DAB2IP: variants seen among roughly 807,000 people sequenced by gnomAD.
DAB2IP encodes disabled homolog 2-interacting protein.
DAB2IP carries 28 observed loss-of-function variants against 107.2 expected under a neutral mutation model. The observed-to-expected ratio is 0.26, with a 90% CI of 0.19 to 0.36. The LOEUF (loss-of-function observed/expected upper bound fraction) is 0.36. Among genes scored for constraint, DAB2IP ranks in the 10% least tolerant of loss-of-function variants. The probability of loss-of-function intolerance (pLI) is 1.00; values close to 1 mark genes in which losing one functional copy is unlikely to be tolerated. For missense variants in DAB2IP, 1,400 were observed against 1,644.7 expected (o/e 0.85, Z 2.57); for synonymous variants, 755 against 706.4 (o/e 1.07, Z -1.09).
chr9:121,750,661 C>A (rs938756854), intron 3 of DAB2IP, among the ~76,000 whole-genome samples: 1 of 152,162 alleles, frequency 6.6e-6, no homozygotes, highest in Non-Finnish European at 1.5e-5. Flanking sequence ...ACTCTCAATT[C>A]CCCCCACCCA....
chr9:121,586,630 C>T (rs1422241416), intron 1 of DAB2IP, among the ~76,000 whole-genome samples: 2 of 151,996 alleles, frequency 1.3e-5, no homozygotes, highest in Non-Finnish European at 2.9e-5. Context: ...CCAGCTTGGG[C>T]AACACAGCAA....
intron 1 of DAB2IP, among the ~76,000 whole-genome samples, chr9:121,577,735 T>C (rs1181519263): frequency 6.6e-6 from 1 of 151,800 alleles, no homozygotes; most frequent in East Asian, 1.9e-4. Flanking sequence ...AATGGTGGGG[T>C]GTTAGGCATG....
chr9:121,761,791 A>T (rs574635133), intron 6 of DAB2IP, among the ~76,000 whole-genome samples: 1 of 152,104 alleles, frequency 6.6e-6, no homozygotes, highest in African/African-American at 2.4e-5. Context: ...AACACTGGGG[A>T]CGTATGCTGG....
intron 3 of DAB2IP, among the ~76,000 whole-genome samples, chr9:121,710,687 A>AT (rs1364675826): frequency 7.2e-5 from 11 of 152,174 alleles, no homozygotes; most frequent in Admixed American, 6.5e-5. Flanking sequence ...GGTGACTTCC[A>AT]TCACTACCCA....
rs200565908 is a variant in DAB2IP at position 121,760,414 on chromosome 9, T to C, written c.1145T>C (p.Ile382Thr). The change falls in exon 6 of 16, where the codon ATC becomes ACC. Residue 382 changes from isoleucine (I) to threonine (T), a missense_variant. This residue lies in a region of DAB2IP where 517 missense variants were observed against 748.6 expected (regional missense o/e 0.69). Transcript: ENST00000408936. The surrounding 1 kb of genome is among the most constrained non-coding windows in gnomAD (Gnocchi z 5.9). The stretch of plus-strand genomic sequence containing the variant: ...GAGATGGCATCTGCCCTGGTGCACA[T>C]CCTGCAGAGCACGGGCAAGGTGAAG... 45 of 1,605,028 alleles carry C rather than the reference T, an allele frequency of 2.8e-5. No individual in the cohort carries two copies. The highest frequency in any genetic ancestry group is 3.8e-5 in the Non-Finnish European group (45 of 1,178,308).
intron 3 of DAB2IP, among the ~76,000 whole-genome samples, chr9:121,735,965 C>G (rs190362309): frequency 8.5e-5 from 13 of 152,364 alleles, no homozygotes; most frequent in Non-Finnish European, 1.5e-5. Context: ...CAGCCTGTCT[C>G]CTCCTTCCCT....
chr9:121,719,743 G>A (rs932231773), intron 3 of DAB2IP, among the ~76,000 whole-genome samples: 1 of 152,162 alleles, frequency 6.6e-6, no homozygotes, highest in Non-Finnish European at 1.5e-5. Context: ...TTTTAGAGAT[G>A]GGGAAACCAG....
chr9:121,626,398 T>C (rs1168873147), intron 1 of DAB2IP, among the ~76,000 whole-genome samples: 1 of 147,996 alleles, frequency 6.8e-6, no homozygotes, highest in Non-Finnish European at 1.5e-5. Context: ...GACGAGATAG[T>C]GTAGACCAAA....
At chr9:121,629,869 C>A (rs75857198) in intron 1 of DAB2IP, among the ~76,000 whole-genome samples, 7,206 of 152,242 alleles carry the variant, frequency 0.047, 570 homozygotes, top group African/African-American at 0.16. Flanking sequence ...TTCCCTCAAA[C>A]CCCCGCCTCT....
chr9:121,652,025 T>G, intron 1 of DAB2IP, 126 bp downstream of exon 1: 1 of 860,998 alleles, frequency 1.2e-6, no homozygotes, highest in Non-Finnish European at 1.5e-6. Flanking sequence ...CATCCGCCCC[T>G]TCCTGAGTCT....
chr9:121,606,687 CCT>C (rs1830886643), intron 1 of DAB2IP, among the ~76,000 whole-genome samples: 1 of 152,080 alleles, frequency 6.6e-6, no homozygotes, highest in Non-Finnish European at 1.5e-5. Flanking sequence ...GATCATTTTC[CCT>C]GTTACCATCA....
chr9:121,735,065 G>C (rs1233012434), intron 3 of DAB2IP, among the ~76,000 whole-genome samples: 1 of 152,220 alleles, frequency 6.6e-6, no homozygotes, highest in African/African-American at 2.4e-5. Flanking sequence ...CCTCTCCCCT[G>C]CTAGGAAATT....
At chr9:121,582,636 C>G (rs868043) in intron 1 of DAB2IP, among the ~76,000 whole-genome samples, 18,362 of 152,072 alleles carry the variant, frequency 0.12, 1,184 homozygotes, top group East Asian at 0.24. Context: ...CGTCCCACTC[C>G]TGATAGCCCC....
chr9:121,770,872 T>G, intron 11 of DAB2IP, 148 bp downstream of exon 11: 1 of 1,110,880 alleles, frequency 9.0e-7, no homozygotes, highest in Non-Finnish European at 1.2e-6. Context: ...TCCTAAGTGG[T>G]GAACCTCCAT....
At chr9:121,606,827 T>C (rs1015797155) in intron 1 of DAB2IP, among the ~76,000 whole-genome samples, 2 of 151,362 alleles carry the variant, frequency 1.3e-5, no homozygotes, top group African/African-American at 2.4e-5. Flanking sequence ...CAGGCTGGAG[T>C]GCAGTAGCGT....
chr9:121,674,710 G>A (rs747276147), intron 1 of DAB2IP, among the ~76,000 whole-genome samples: 1 of 152,080 alleles, frequency 6.6e-6, no homozygotes, highest in Non-Finnish European at 1.5e-5. Flanking sequence ...GAGCTTCCTG[G>A]CCCAGACCCA....
intron 1 of DAB2IP, among the ~76,000 whole-genome samples, chr9:121,658,871 C>T (rs549835624): frequency 8.3e-4 from 127 of 152,258 alleles, no homozygotes; most frequent in African/African-American, 2.8e-3. Context: ...TCGCCAGGTT[C>T]CTGTGTTGAC....
At chr9:121,744,049 C>T (rs918877253) in intron 3 of DAB2IP, among the ~76,000 whole-genome samples, 11 of 152,186 alleles carry the variant, frequency 7.2e-5, no homozygotes, top group African/African-American at 1.9e-4. Flanking sequence ...TGGTGTGCTC[C>T]GTTGAGAACT....
rs1268918948 is a variant in DAB2IP at position 121,567,243 on chromosome 9, G to A, written c.40+15G>A. The A allele has an allele frequency of 1.9e-6, 3 of 1,613,984 alleles. No individual in the cohort carries two copies. The South Asian group carries it at 3.3e-5, about 18-fold the overall frequency. Reference sequence around the variant, plus strand: ...CGACTCCTACGGTAAGACGGTGCCAGCAAAGTGCAGAGTTGGGGGTTTCAG... The same window carrying A: ...CGACTCCTACGGTAAGACGGTGCCAACAAAGTGCAGAGTTGGGGGTTTCAG... On this transcript the variant is annotated intron_variant, in intron 1 of 16. Coordinates refer to the DAB2IP transcript ENST00000259371.
Sources: allele counts gnomAD v4.1 joint callset (sites outside exome capture counted in the v4.1 genomes callset), GRCh38; gene constraint gnomAD v4.1.1; regional missense constraint gnomAD v4.1.1; non-coding constraint Gnocchi (gnomAD v3.1); transcripts MANE v1.5; gene names NCBI Gene and HGNC (gene_info 2026-07-23, HGNC 2026-07-21).